IL2RA: variants seen among roughly 807,000 people sequenced by gnomAD.
IL2RA encodes interleukin-2 receptor subunit alpha.
IL2RA carries 24 observed loss-of-function variants against 37.8 expected under a neutral mutation model. That is an observed-to-expected ratio of 0.63 (90% CI 0.46 to 0.89). IL2RA has a LOEUF of 0.89. Among genes scored for constraint, IL2RA ranks in the 40% least tolerant of loss-of-function variants. The pLI is 0.00. For synonymous variants in IL2RA, 125 were observed against 114.6 expected (o/e 1.09, Z -0.58); for missense variants, 319 against 348.6 (o/e 0.92, Z 0.68).
Position 6,056,936 on chromosome 10 carries a change from T to C in IL2RA, c.64+5152A>G, listed in dbSNP as rs1840055218. Among the ~76,000 whole-genome samples, 1 of 152,134 alleles carries C rather than the reference T, an allele frequency of 6.6e-6. No individual in the cohort carries two copies. The highest frequency in any genetic ancestry group is 1.5e-5 in the Non-Finnish European group (1 of 68,012). On this transcript the variant is annotated intron_variant, in intron 1 of 7. Coordinates refer to ENST00000379959, the MANE Select transcript of IL2RA (RefSeq NM_000417.3). The surrounding 1 kb of genome is among the most constrained non-coding windows in gnomAD (Gnocchi z 5.0). ...CTCCCTGTCCAGGGCAGGAGCACAG[T>C]GGACCACCTGCTGCCCCTGTGTCTT...
intron 1 of IL2RA, among the ~76,000 whole-genome samples, chr10:6,030,345 G>A (rs945302853): frequency 1.3e-4 from 20 of 152,260 alleles, no homozygotes; most frequent in East Asian, 9.6e-4. Context: ...TATATACATC[G>A]TAGCTAAACT....
At chr10:6,016,404 C>G (rs908701781) in intron 7 of IL2RA, among the ~76,000 whole-genome samples, 2 of 152,124 alleles carry the variant, frequency 1.3e-5, no homozygotes, top group Admixed American at 1.3e-4. Flanking sequence ...ATAAGTTACC[C>G]AGTCTCAGGC....
At chr10:6,017,767 G>T (rs1839303822) in intron 7 of IL2RA, among the ~76,000 whole-genome samples, 1 of 152,010 alleles carries the variant, frequency 6.6e-6, no homozygotes, top group South Asian at 2.1e-4. Context: ...AGTAGAGATG[G>T]GGTTTTGCCA....
intron 1 of IL2RA, among the ~76,000 whole-genome samples, chr10:6,051,537 T>TC (rs1839958960): frequency 6.9e-6 from 1 of 145,548 alleles, no homozygotes; most frequent in African/African-American, 2.5e-5. Flanking sequence ...TTTTTTTTTT[T>TC]GAGACGGAGT....
At position 6,058,671 on chromosome 10, in the gene IL2RA, G is replaced by GT. The variant is rs796988785; in HGVS notation, c.64+3416dup. Among the ~76,000 whole-genome samples, 32 of 152,200 alleles carry GT rather than the reference G, an allele frequency of 2.1e-4. No homozygotes were observed. Among genetic ancestry groups the GT allele is most frequent in the African/African-American group, 7.0e-4 (29 of 41,538 alleles). On this transcript the variant is annotated intron_variant, in intron 1 of 7. Transcript: ENST00000379959. The surrounding 1 kb of genome is among the most constrained non-coding windows in gnomAD (Gnocchi z 4.2). The stretch of plus-strand genomic sequence containing the variant: ...CATTATCTCAATGGGTTTCCACACT[G>GT]TTTTTTTAAAGAATTATTTTTGAGT...
intron 1 of IL2RA, among the ~76,000 whole-genome samples, chr10:6,042,517 T>A (rs566772204): frequency 1.3e-5 from 2 of 152,146 alleles, no homozygotes; most frequent in East Asian, 3.9e-4. Context: ...CCCCAGCTAA[T>A]GCAATGGAAC....
chr10:6,031,113 C>T (rs907915767), intron 1 of IL2RA, among the ~76,000 whole-genome samples: 1 of 151,678 alleles, frequency 6.6e-6, no homozygotes, highest in Admixed American at 6.6e-5. Context: ...TGAAGCCAAC[C>T]CTATCAGTAA....
At chr10:6,037,977 C>T (rs536618039) in intron 1 of IL2RA, among the ~76,000 whole-genome samples, 7 of 152,134 alleles carry the variant, frequency 4.6e-5, no homozygotes, top group Admixed American at 3.9e-4. Flanking sequence ...AAGTTTAGGC[C>T]GTATAGAAAG....
rs1394364096 is a variant in IL2RA, at chr10:6,044,656, A to G, written c.64+17432T>C. Among the ~76,000 whole-genome samples the G allele has an allele frequency of 2.6e-5, 4 of 152,216 alleles. No homozygotes were observed. Among genetic ancestry groups the G allele is most frequent in the Admixed American group, 2.6e-4 (4 of 15,280 alleles). The stretch of plus-strand genomic sequence containing the variant: ...GCCCTGCCTCGGGGGTTGAGTCCCA[A>G]CTTCTACCTCAGTAGGAAGATTTTT... On this transcript the variant is annotated intron_variant, in intron 1 of 7. Transcript: ENST00000379959. The surrounding 1 kb of genome is among the most constrained non-coding windows in gnomAD (Gnocchi z 4.5).
chr10:6,045,470 C>T (rs377230123), intron 1 of IL2RA, among the ~76,000 whole-genome samples: 22 of 152,146 alleles, frequency 1.4e-4, no homozygotes, highest in African/African-American at 4.6e-4. Flanking sequence ...AAATGTTGGG[C>T]GCTGGTTATG....
At chr10:6,045,810 C>T (rs1250668721) in intron 1 of IL2RA, among the ~76,000 whole-genome samples, 1 of 152,058 alleles carries the variant, frequency 6.6e-6, no homozygotes, top group Admixed American at 6.5e-5. Flanking sequence ...GGAATTTCCC[C>T]TGAGACTGTA....
intron 1 of IL2RA, among the ~76,000 whole-genome samples, chr10:6,031,112 C>T (rs1401840560): frequency 6.6e-6 from 1 of 151,910 alleles, no homozygotes; most frequent in Non-Finnish European, 1.5e-5. Context: ...TTGAAGCCAA[C>T]CCTATCAGTA....
chr10:6,026,780 G>A lies in IL2RA; in HGVS notation c.65-755C>T, dbSNP rs114552450. On this transcript the variant is annotated intron_variant, in intron 1 of 7. Transcript: ENST00000379959. ...ATATCACATGCTGGATAAAGGAAGT[G>A]GACGGGGAGATGACAGGGACAGGAA... Among the ~76,000 whole-genome samples, 1,031 of 152,350 alleles carry A rather than the reference G, an allele frequency of 6.8e-3. 13 individuals carry two copies. Among genetic ancestry groups the A allele is most frequent in the African/African-American group, 0.024 (981 of 41,576 alleles).
In IL2RA at chr10:6,029,447, G is replaced by A. The variant is rs1839542189; in HGVS notation, c.65-3422C>T. 6.6e-6 allele frequency among the ~76,000 whole-genome samples: 1 copy of A among 152,126 alleles called. No homozygotes were observed. The highest frequency in any genetic ancestry group is 6.5e-5 in the Admixed American group (1 of 15,270). ...CCCAAAGTGCTAGGATTACAGGAGT[G>A]AGACACTGTGTTCAGTGGTTTATTT... On this transcript the variant is annotated intron_variant, in intron 1 of 7. Transcript: ENST00000379959. The surrounding 1 kb of genome is among the most constrained non-coding windows in gnomAD (Gnocchi z 4.6).
Position 6,015,954 on chromosome 10 carries a change from G to A in IL2RA, c.794+2099C>T, listed in dbSNP as rs1839268901. Among the ~76,000 whole-genome samples the A allele has an allele frequency of 6.6e-6, 1 of 152,154 alleles. No individual in the cohort carries two copies. The highest frequency in any genetic ancestry group is 2.1e-4 in the South Asian group (1 of 4,818). On this transcript the variant is annotated intron_variant, in intron 7 of 7. Coordinates refer to ENST00000379959, the MANE Select transcript of IL2RA (RefSeq NM_000417.3). This position sits in a 1 kb window ranked among gnomAD's most constrained non-coding sequence, Gnocchi z 4.9. ...CGGGGCTGGGGAGAATGGGGAACTT[G>A]GCAGTGTGGGGCTTCTCTTGGGAAT...
Position 6,021,445 on chromosome 10 carries a change from A to T in IL2RA, c.583+33T>A. On this transcript the variant is annotated intron_variant, in intron 4 of 7. Transcript: ENST00000379959. This position sits in a 1 kb window ranked among gnomAD's most constrained non-coding sequence, Gnocchi z 4.9. ...TCTGGTCAGCCTGATGGAGCAAAGC[A>T]ACATTGTGGACCCCAGAAGGGAGCC... The T allele has an allele frequency of 6.3e-7, 1 of 1,575,466 alleles. No homozygotes were observed. The highest frequency in any genetic ancestry group is 1.3e-5 in the African/African-American group (1 of 74,242).
At position 6,025,978 on chromosome 10, in the gene IL2RA, C is replaced by G; in HGVS notation, c.112G>C (p.Ala38Pro). 6.2e-7 allele frequency: 1 copy of G among 1,613,968 alleles called. No homozygotes were observed. The highest frequency in any genetic ancestry group is 1.1e-5 in the South Asian group (1 of 91,074). ...ATGGTTCCTTCCTTGTAGGCCATGGCTTTGAATGTGGCGTGTGGGATCTCT... is the reference window on the plus strand; with the variant it reads ...ATGGTTCCTTCCTTGTAGGCCATGGGTTTGAATGTGGCGTGTGGGATCTCT... ...PPEIPHATFK[A>P]MAYKEGTMLN... Residue 38 changes from alanine (A) to proline (P), a missense_variant, in exon 2 of 8, where the codon GCC becomes CCC. Transcript: ENST00000379959. This position sits in a 1 kb window ranked among gnomAD's most constrained non-coding sequence, Gnocchi z 4.4.
intron 1 of IL2RA, among the ~76,000 whole-genome samples, chr10:6,041,253 T>C (rs746653823): frequency 2.9e-4 from 44 of 152,080 alleles, no homozygotes; most frequent in Non-Finnish European, 4.6e-4. Flanking sequence ...TAGCTGGGAC[T>C]GCAGGCGCCC....
Position 6,056,300 on chromosome 10 carries a change from T to C in IL2RA, c.64+5788A>G, listed in dbSNP as rs1427391796. ...TCTGTAATCCTCATGCATGAATGGATGGATGAAGGAATATCACTGAGAATT... is the reference window on the plus strand; with the variant it reads ...TCTGTAATCCTCATGCATGAATGGACGGATGAAGGAATATCACTGAGAATT... On this transcript the variant is annotated intron_variant, in intron 1 of 7. Transcript: ENST00000379959. This position sits in a 1 kb window ranked among gnomAD's most constrained non-coding sequence, Gnocchi z 5.0. 6.6e-6 allele frequency among the ~76,000 whole-genome samples: 1 copy of C among 152,186 alleles called. No homozygotes were observed. The highest frequency in any genetic ancestry group is 6.5e-5 in the Admixed American group (1 of 15,270).
Sources: gnomAD v4.1 joint callset for allele counts (sites outside exome capture counted in the v4.1 genomes callset) on GRCh38, gnomAD v4.1.1 for gene constraint, Gnocchi (gnomAD v3.1) non-coding constraint, MANE v1.5 for transcripts, NCBI Gene and HGNC (gene_info 2026-07-23, HGNC 2026-07-21) for gene names.